The following CEP120 variants were observed in gnomAD, a reference collection of about 807,000 sequenced individuals.
The protein encoded by CEP120 is centrosomal protein 120.
CEP120 carries 113 observed loss-of-function variants against 126.5 expected under a neutral mutation model. The ratio of observed to expected loss-of-function variants is 0.89; its 90% CI spans 0.77 to 1.04. The LOEUF (loss-of-function observed/expected upper bound fraction) is 1.04, where lower values mean the gene tolerates loss of function less well. Among genes scored for constraint, CEP120 ranks in the 50% least tolerant of loss-of-function variants. The pLI is 0.00. For missense variants in CEP120, 1,230 were observed against 1,155.7 expected (o/e 1.06, Z -0.93); for synonymous variants, 400 against 394.3 (o/e 1.01, Z -0.17).
chr5:123,412,308 G>A (rs1176806341), intron 4 of CEP120, 91 bp downstream of exon 4: 12 of 1,215,570 alleles, frequency 9.9e-6, no homozygotes, highest in Non-Finnish European at 9.1e-6. Context: ...TTTACACCCT[G>A]CATATATGTC....
intron 16 of CEP120, among the ~76,000 whole-genome samples, chr5:123,373,606 A>C (rs925888375): frequency 2.6e-5 from 4 of 152,088 alleles, no homozygotes; most frequent in Admixed American, 2.6e-4. Context: ...CTTATGGAGA[A>C]GGCCTACACA....
At position 123,401,088 on chromosome 5, in the gene CEP120, T is replaced by C. The variant is rs372359973; in HGVS notation, c.464-1804A>G. The C allele has an allele frequency of 1.6e-4, 259 of 1,591,012 alleles. 1 individual carries two copies. In the African/African-American group the frequency reaches 3.1e-3, roughly 19 times the overall value. On this transcript the variant is annotated intron_variant, in intron 4 of 19. Transcript: ENST00000306467. The stretch of plus-strand genomic sequence containing the variant: ...ACAGGCCGAGCTCAGACCACTTGCA[T>C]AGCCGCTGGTGGTCTTCGTATGAAT...
chr5:123,394,767 T>C (rs1772654290), intron 5 of CEP120, among the ~76,000 whole-genome samples: 2 of 152,250 alleles, frequency 1.3e-5, no homozygotes, highest in African/African-American at 4.8e-5. Flanking sequence ...ATTTTAATCA[T>C]GTGGACTTAC....
At chr5:123,400,704 CA>C (rs35093126) in intron 4 of CEP120, among the ~76,000 whole-genome samples, 42,142 of 93,642 alleles carry the variant, frequency 0.45, 7,847 homozygotes, top group East Asian at 0.49. Context: ...TATTTTGGAC[CA>C]AAAAAAAAAA....
At chr5:123,419,965 A>C (rs1317009146) in intron 1 of CEP120, among the ~76,000 whole-genome samples, 1 of 152,194 alleles carries the variant, frequency 6.6e-6, no homozygotes, top group Non-Finnish European at 1.5e-5. Context: ...TCCATTGATT[A>C]ATGAAGAAAT....
intron 18 of CEP120, among the ~76,000 whole-genome samples, chr5:123,351,752 C>T (rs950680221): frequency 7.1e-6 from 1 of 140,772 alleles, no homozygotes; most frequent in Non-Finnish European, 1.6e-5. Flanking sequence ...TAACGTTTTA[C>T]ACAATGTTTT....
Position 123,378,431 on chromosome 5 carries a change from A to G in CEP120, c.2104-3T>C, listed in dbSNP as rs1169947819. ...TCTAGAATAGTATATTCAGCCACCTAAAATATAGTAAAAAAAAAAAAAAAA... is the reference window on the plus strand; with the variant it reads ...TCTAGAATAGTATATTCAGCCACCTGAAATATAGTAAAAAAAAAAAAAAAA... On this transcript the variant is annotated splice_region_variant and splice_polypyrimidine_tract_variant and intron_variant, in intron 14 of 19. Coordinates refer to ENST00000306467, the MANE Select transcript of CEP120 (RefSeq NM_001375405.1). 6.8e-7 allele frequency: 1 copy of G among 1,478,086 alleles called. No individual in the cohort carries two copies. Among genetic ancestry groups the G allele is most frequent in the Non-Finnish European group, 9.1e-7 (1 of 1,103,884 alleles). The allele number at this position is 1,478,086 out of a possible 1,614,324, so 91.6% of individuals were successfully genotyped here. A position where few individuals can be genotyped will look rare whatever the true frequency, so the allele number is the denominator to read the frequency against.
At chr5:123,404,618 T>C (rs1276078227) in intron 4 of CEP120, among the ~76,000 whole-genome samples, 1 of 152,200 alleles carries the variant, frequency 6.6e-6, no homozygotes, top group African/African-American at 2.4e-5. Flanking sequence ...GAAAAGTTAT[T>C]GTTAAAATAC....
At chr5:123,380,715 G>T (rs983083612) in intron 14 of CEP120, among the ~76,000 whole-genome samples, 24 of 152,048 alleles carry the variant, frequency 1.6e-4, no homozygotes, top group Admixed American at 7.2e-4. Context: ...ACAATGAAGA[G>T]AAATGATTCA....
chr5:123,407,575 A>C (rs1773779148), intron 4 of CEP120, among the ~76,000 whole-genome samples: 1 of 152,226 alleles, frequency 6.6e-6, no homozygotes, highest in Admixed American at 6.5e-5. Context: ...GAGTATCAAA[A>C]TACATGCAGC....
chr5:123,415,281 C>A (rs1774317837), intron 3 of CEP120, among the ~76,000 whole-genome samples: 1 of 152,106 alleles, frequency 6.6e-6, no homozygotes, highest in East Asian at 1.9e-4. Context: ...GGAAAAAACC[C>A]AACTGGGAAC....
chr5:123,359,936 G>GT (rs1769949293), intron 18 of CEP120, among the ~76,000 whole-genome samples: 1 of 151,924 alleles, frequency 6.6e-6, no homozygotes, highest in African/African-American at 2.4e-5. Context: ...TACCAGCTGG[G>GT]TTTTGTCATT....
At chr5:123,408,362 A>G (rs1317486848) in intron 4 of CEP120, among the ~76,000 whole-genome samples, 1 of 151,946 alleles carries the variant, frequency 6.6e-6, no homozygotes, top group African/African-American at 2.4e-5. Flanking sequence ...AAAATCAATA[A>G]GCCTCCAGCC....
chr5:123,417,183 A>C (rs1311720375), intron 2 of CEP120, among the ~76,000 whole-genome samples: 1 of 152,236 alleles, frequency 6.6e-6, no homozygotes, highest in Non-Finnish European at 1.5e-5. Flanking sequence ...ACTCCATTAT[A>C]GACACCACTG....
At chr5:123,380,912 T>C (rs1771593850) in intron 14 of CEP120, among the ~76,000 whole-genome samples, 1 of 152,114 alleles carries the variant, frequency 6.6e-6, no homozygotes, top group Non-Finnish European at 1.5e-5. Context: ...TTCTAATTAT[T>C]GTAATTTTGG....
chr5:123,413,789 TAC>T (rs1456045906), intron 3 of CEP120, among the ~76,000 whole-genome samples: 6 of 152,224 alleles, frequency 3.9e-5, no homozygotes, highest in East Asian at 1.9e-4. Flanking sequence ...AAATGCATAA[TAC>T]AGTTTGTTGA....
intron 16 of CEP120, among the ~76,000 whole-genome samples, chr5:123,374,735 T>TA (rs1216202379): frequency 6.6e-6 from 1 of 152,174 alleles, no homozygotes; most frequent in East Asian, 1.9e-4. Context: ...TTACCTATTT[T>TA]TTAACATCCA....
At chr5:123,374,683 A>G (rs1771081709) in intron 16 of CEP120, among the ~76,000 whole-genome samples, 1 of 152,158 alleles carries the variant, frequency 6.6e-6, no homozygotes. Context: ...TGTTTAGGTA[A>G]TGTAGTGTTC....
intron 7 of CEP120, among the ~76,000 whole-genome samples, chr5:123,390,563 C>T (rs754839952): frequency 1.8e-4 from 28 of 152,134 alleles, no homozygotes; most frequent in Non-Finnish European, 3.2e-4. Context: ...ACACTCATTT[C>T]GGTTCTTCTA....
Sources: allele counts gnomAD v4.1 joint callset (sites outside exome capture counted in the v4.1 genomes callset), GRCh38; gene constraint gnomAD v4.1.1; transcripts MANE v1.5; gene names NCBI Gene and HGNC (gene_info 2026-07-23, HGNC 2026-07-21).